The following XYLT1 variants were observed in gnomAD, a reference collection of about 807,000 sequenced individuals.
The protein encoded by XYLT1 is xylosyltransferase 1, also known as beta-D-xylosyltransferase 1.
XYLT1 carries 36 observed loss-of-function variants against 91.3 expected under a neutral mutation model. The ratio of observed to expected loss-of-function variants is 0.39; its 90% CI spans 0.30 to 0.52. XYLT1 has a LOEUF of 0.52. Among genes scored for constraint, XYLT1 ranks in the 20% least tolerant of loss-of-function variants. XYLT1 has a pLI of 0.68. For missense variants in XYLT1, 1,242 were observed against 1,284.5 expected, an observed-to-expected ratio of 0.97 and a Z score of 0.51; for synonymous variants, 588 against 532.0, an observed-to-expected ratio of 1.11 and a Z score of -1.45.
intron 1 of XYLT1, among the ~76,000 whole-genome samples, chr16:17,419,112 A>G (rs956000428): frequency 1.3e-5 from 2 of 151,868 alleles, no homozygotes; most frequent in African/African-American, 2.4e-5. Flanking sequence ...TAATCCACGG[A>G]CCTCTTTTTC....
intron 2 of XYLT1, among the ~76,000 whole-genome samples, chr16:17,324,478 C>T (rs929173786): frequency 6.6e-6 from 1 of 152,068 alleles, no homozygotes; most frequent in Non-Finnish European, 1.5e-5. Flanking sequence ...CTGCAGGGTG[C>T]TAATTTTGTA....
intron 3 of XYLT1, among the ~76,000 whole-genome samples, chr16:17,207,037 G>C (rs1052686170): frequency 2.1e-4 from 31 of 146,750 alleles, no homozygotes; most frequent in African/African-American, 7.9e-4. Context: ...GAGTCAGGTT[G>C]GTTTTCTTTT....
At chr16:17,309,935 C>T (rs953201997) in intron 2 of XYLT1, among the ~76,000 whole-genome samples, 1 of 152,028 alleles carries the variant, frequency 6.6e-6, no homozygotes, top group African/African-American at 2.4e-5. Context: ...GGGTAGGGGC[C>T]CCAGGGGCCA....
chr16:17,161,371 C>T (rs1325720508), intron 5 of XYLT1, among the ~76,000 whole-genome samples: 1 of 152,056 alleles, frequency 6.6e-6, no homozygotes, highest in Non-Finnish European at 1.5e-5. Flanking sequence ...CAAAGCCAAG[C>T]GCTGTGTGCT....
intron 9 of XYLT1, among the ~76,000 whole-genome samples, chr16:17,130,290 C>A (rs1411109864): frequency 6.6e-6 from 1 of 152,216 alleles, no homozygotes; most frequent in East Asian, 1.9e-4. Flanking sequence ...TGTTTCAAAA[C>A]ACTGATTTGG....
chr16:17,410,537 T>C (rs1420704892), intron 1 of XYLT1, among the ~76,000 whole-genome samples: 1 of 151,934 alleles, frequency 6.6e-6, no homozygotes, highest in Non-Finnish European at 1.5e-5. Flanking sequence ...CCCCCATGAT[T>C]AAATCACCTC....
chr16:17,379,938 G>A (rs550803324), intron 1 of XYLT1, among the ~76,000 whole-genome samples: 1 of 152,254 alleles, frequency 6.6e-6, no homozygotes, highest in South Asian at 2.1e-4. Context: ...TGATAGTTCT[G>A]GAAGAAATAT....
chr16:17,115,610 C>G (rs1029890736), intron 11 of XYLT1, among the ~76,000 whole-genome samples: 1 of 151,366 alleles, frequency 6.6e-6, no homozygotes, highest in South Asian at 2.1e-4. Flanking sequence ...TCCCAAGTAG[C>G]TGGGACTATA....
At chr16:17,368,500 A>G (rs1295765068) in intron 1 of XYLT1, among the ~76,000 whole-genome samples, 1 of 152,032 alleles carries the variant, frequency 6.6e-6, no homozygotes, top group African/African-American at 2.4e-5. Flanking sequence ...TTACTTCAAT[A>G]AACCCACATT....
At chr16:17,238,544 C>T (rs1251937988) in intron 3 of XYLT1, among the ~76,000 whole-genome samples, 4 of 152,164 alleles carry the variant, frequency 2.6e-5, no homozygotes, top group African/African-American at 9.7e-5. Context: ...TGTCTTTGGA[C>T]CCAGGACCCC....
chr16:17,132,217 G>C (rs150871791), intron 9 of XYLT1, among the ~76,000 whole-genome samples: 4 of 152,294 alleles, frequency 2.6e-5, no homozygotes, highest in South Asian at 2.1e-4. Context: ...ACTAGCAGTG[G>C]GGGGGAGAGA....
chr16:17,225,455 C>T (rs560740249), intron 3 of XYLT1, among the ~76,000 whole-genome samples: 1 of 152,242 alleles, frequency 6.6e-6, no homozygotes, highest in South Asian at 2.1e-4. Flanking sequence ...TTACAAAGTC[C>T]ACCAAGCAGA....
intron 6 of XYLT1, among the ~76,000 whole-genome samples, chr16:17,150,336 T>G (rs534352895): frequency 6.6e-6 from 1 of 152,304 alleles, no homozygotes; most frequent in African/African-American, 2.4e-5. Flanking sequence ...CAAGAATGCT[T>G]GAGGAATTCA....
intron 1 of XYLT1, among the ~76,000 whole-genome samples, chr16:17,379,754 C>T (rs1459879904): frequency 3.6e-4 from 42 of 117,162 alleles, no homozygotes; most frequent in African/African-American, 1.1e-3. Flanking sequence ...CTCTCTCTCT[C>T]TCTCTCTCTC....
intron 9 of XYLT1, among the ~76,000 whole-genome samples, chr16:17,129,716 G>T (rs1376324035): frequency 6.6e-6 from 1 of 152,168 alleles, no homozygotes; most frequent in Non-Finnish European, 1.5e-5. Context: ...TATGGCCAAT[G>T]TGACTGAGGA....
intron 1 of XYLT1, among the ~76,000 whole-genome samples, chr16:17,417,680 T>C (rs943912379): frequency 4.6e-5 from 7 of 152,222 alleles, no homozygotes; most frequent in African/African-American, 9.6e-5. Flanking sequence ...TTCAAATTCT[T>C]TGACATGCCT....
Position 17,358,004 on chromosome 16 carries a change from A to T in XYLT1, c.402+8T>A, listed in dbSNP as rs1244531106. 1 of 1,613,660 alleles carries T rather than the reference A, an allele frequency of 6.2e-7. No individual in the cohort carries two copies. Among genetic ancestry groups the T allele is most frequent in the Non-Finnish European group, 8.5e-7 (1 of 1,179,778 alleles). On this transcript the variant is annotated splice_region_variant and intron_variant, in intron 2 of 11. Transcript: ENST00000261381. ...GAGATAAGTGGCCAAGACAGGAAAG[A>T]TACTTACCTGAGTCTCCAGGGTGAT...
chr16:17,286,138 T>G (rs917405302), intron 2 of XYLT1, among the ~76,000 whole-genome samples: 7 of 152,062 alleles, frequency 4.6e-5, no homozygotes, highest in Non-Finnish European at 8.8e-5. Context: ...ATACTTAGAC[T>G]CAAAAAGGCT....
intron 5 of XYLT1, among the ~76,000 whole-genome samples, chr16:17,161,645 G>T (rs9940127): frequency 0.88 from 134,228 of 151,880 alleles, 59,424 homozygotes; most frequent in Admixed American, 0.92. Flanking sequence ...TTGCGATCTG[G>T]TGACATTTTA....
Sources: allele counts gnomAD v4.1 joint callset (sites outside exome capture counted in the v4.1 genomes callset), GRCh38; gene constraint gnomAD v4.1.1; transcripts MANE v1.5; gene names NCBI Gene and HGNC (gene_info 2026-07-23, HGNC 2026-07-21).